CCDC141: variants seen among roughly 807,000 people sequenced by gnomAD.
CCDC141 encodes the protein coiled-coil domain-containing protein 141.
In CCDC141, 168 loss-of-function variants were observed where a neutral mutation model predicts 181.0. That is an observed-to-expected ratio of 0.93 (90% CI 0.82 to 1.05). CCDC141 has a LOEUF of 1.05. Among genes scored for constraint, CCDC141 ranks in the 50% least tolerant of loss-of-function variants. The pLI, the probability that CCDC141 is intolerant of heterozygous loss-of-function variation, is 0.00. For synonymous variants in CCDC141, 666 were observed against 642.3 expected, an observed-to-expected ratio of 1.04 and a Z score of -0.56; for missense variants, 1,902 against 1,788.5, an observed-to-expected ratio of 1.06 and a Z score of -1.14.
At chr2:178,936,035 A>G (rs909389215) in intron 6 of CCDC141, among the ~76,000 whole-genome samples, 1 of 151,966 alleles carries the variant, frequency 6.6e-6, no homozygotes, top group Admixed American at 6.6e-5. Context: ...ATTTTCTCCC[A>G]TTCTGTAGGT....
At chr2:178,891,725 T>C (rs1434385211) in intron 8 of CCDC141, among the ~76,000 whole-genome samples, 1 of 152,146 alleles carries the variant, frequency 6.6e-6, no homozygotes, top group Non-Finnish European at 1.5e-5. Flanking sequence ...TGTTGCTTTT[T>C]AGCAACCTGC....
intron 6 of CCDC141, among the ~76,000 whole-genome samples, chr2:178,923,461 T>G (rs1224749595): frequency 6.6e-6 from 1 of 151,838 alleles, no homozygotes; most frequent in Non-Finnish European, 1.5e-5. Flanking sequence ...ATCACACTAT[T>G]TAAAAAATAT....
At chr2:178,897,840 A>G (rs932727608) in intron 8 of CCDC141, among the ~76,000 whole-genome samples, 5 of 152,162 alleles carry the variant, frequency 3.3e-5, no homozygotes, top group African/African-American at 1.2e-4. Flanking sequence ...AGAAAACTTT[A>G]CCCTCACACA....
Position 178,878,051 on chromosome 2 carries a change from G to A in CCDC141, c.1812C>T (p.Asp604=). The change falls in exon 12 of 24, where the codon GAC becomes GAT. Residue 604 remains aspartate (D), a synonymous_variant. Coordinates refer to ENST00000443758, the MANE Select transcript of CCDC141 (RefSeq NM_173648.4). The part of the protein sequence containing the change: ...QDDAKAKHCS[D]SAEKQWQLFL... ...ATAGCTGCCACTGCTTCTCAGCCGA[G>A]TCAGAACAATGCTTGGCTTTAGCAT... 1.9e-6 allele frequency: 3 copies of A among 1,613,862 alleles called. No homozygotes were observed. The highest frequency in any genetic ancestry group is 2.5e-6 in the Non-Finnish European group (3 of 1,179,846).
intron 2 of CCDC141, among the ~76,000 whole-genome samples, chr2:179,015,114 TA>T (rs59051988): frequency 3.8e-5 from 1 of 26,296 alleles, no homozygotes; most frequent in Admixed American, 3.1e-4. Context: ...AATATATATA[TA>T]ATCATATATA....
intron 7 of CCDC141, 122 bp from the exon 8 acceptor site, chr2:178,905,623 A>G: frequency 2.2e-6 from 2 of 926,262 alleles, no homozygotes; most frequent in Non-Finnish European, 3.1e-6. Flanking sequence ...ATAACAAAAA[A>G]CAACCATCTT....
intron 11 of CCDC141, among the ~76,000 whole-genome samples, chr2:178,878,508 G>T: frequency 7.2e-6 from 1 of 139,060 alleles, no homozygotes; most frequent in African/African-American, 2.8e-5. Context: ...TGGTAGAGAC[G>T]AGGTCTTGCT....
chr2:179,024,155 A>G (rs1444031657), intron 2 of CCDC141, among the ~76,000 whole-genome samples: 2 of 152,242 alleles, frequency 1.3e-5, no homozygotes, highest in Non-Finnish European at 2.9e-5. Context: ...AGAAAAACTA[A>G]CAGCATTAAT....
At chr2:178,848,176 G>A (rs770260970) in intron 21 of CCDC141, among the ~76,000 whole-genome samples, 13 of 152,126 alleles carry the variant, frequency 8.5e-5, no homozygotes, top group South Asian at 6.2e-4. Context: ...GTAAGATTTC[G>A]AAAAACAGAG....
chr2:179,019,588 T>TTTAC (rs1240173982), intron 2 of CCDC141, among the ~76,000 whole-genome samples: 4 of 152,132 alleles, frequency 2.6e-5, no homozygotes, highest in Admixed American at 2.6e-4. Flanking sequence ...TTCTATCCCC[T>TTTAC]TTACTTCACA....
intron 8 of CCDC141, among the ~76,000 whole-genome samples, chr2:178,901,333 T>G (rs1687678538): frequency 6.6e-6 from 1 of 152,108 alleles, no homozygotes; most frequent in Non-Finnish European, 1.5e-5. Flanking sequence ...ATATCCTTGA[T>G]GAATATTGAT....
chr2:178,895,105 T>C (rs531297354), intron 8 of CCDC141, among the ~76,000 whole-genome samples: 97 of 152,318 alleles, frequency 6.4e-4, no homozygotes, highest in African/African-American at 2.3e-3. Flanking sequence ...ATTGTGAGGA[T>C]ACTCTGTCTT....
At chr2:178,841,223 C>T (rs904513172) in intron 22 of CCDC141, among the ~76,000 whole-genome samples, 14 of 152,318 alleles carry the variant, frequency 9.2e-5, no homozygotes, top group Middle Eastern at 3.4e-3. Flanking sequence ...CCAAAGTTGA[C>T]GTTGATGAAC....
At chr2:178,858,774 T>C (rs1685488676) in intron 17 of CCDC141, among the ~76,000 whole-genome samples, 1 of 152,132 alleles carries the variant, frequency 6.6e-6, no homozygotes, top group African/African-American at 2.4e-5. Context: ...TATTTTTCTC[T>C]ACTGAAATGT....
intron 5 of CCDC141, among the ~76,000 whole-genome samples, chr2:178,949,649 C>T (rs914606033): frequency 8.5e-5 from 13 of 152,236 alleles, no homozygotes; most frequent in Admixed American, 7.8e-4. Context: ...GTCCCGTATA[C>T]AATCAGGGGC....
At chr2:178,883,882 A>C (rs1447297764) in intron 11 of CCDC141, among the ~76,000 whole-genome samples, 3 of 152,120 alleles carry the variant, frequency 2.0e-5, no homozygotes, top group Non-Finnish European at 2.9e-5. Flanking sequence ...GTATAACCAG[A>C]CAAAATAAGG....
At position 178,834,124 on chromosome 2, in the gene CCDC141, C is replaced by G; in HGVS notation, c.*49G>C. ...AGGTGCAGGAAGATAAACGGCGGCA[C>G]TTTTCTTTAGGCACATGAGAATGAT... On this transcript the variant is annotated 3_prime_UTR_variant, in exon 24 of 24. Transcript: ENST00000443758. 1 of 1,519,418 alleles carries G rather than the reference C, an allele frequency of 6.6e-7. No individual in the cohort carries two copies. The highest frequency in any genetic ancestry group is 8.8e-7 in the Non-Finnish European group (1 of 1,134,436). The allele number at this position is 1,519,418 out of a possible 1,614,324, so 94.1% of individuals were successfully genotyped here.
At chr2:178,850,402 A>G (rs1685113714) in intron 20 of CCDC141, among the ~76,000 whole-genome samples, 1 of 152,220 alleles carries the variant, frequency 6.6e-6, no homozygotes. Flanking sequence ...ATGTTGCTAC[A>G]TGAATAGTCT....
chr2:178,984,486 G>T (rs1691610775), intron 2 of CCDC141, among the ~76,000 whole-genome samples: 1 of 151,722 alleles, frequency 6.6e-6, no homozygotes, highest in Admixed American at 6.6e-5. Context: ...AAATGTAAAT[G>T]GACTAACTGC....
Sources: allele counts gnomAD v4.1 joint callset (sites outside exome capture counted in the v4.1 genomes callset), GRCh38; gene constraint gnomAD v4.1.1; transcripts MANE v1.5; gene names NCBI Gene and HGNC (gene_info 2026-07-23, HGNC 2026-07-21).